LSS: variants seen among roughly 807,000 people sequenced by gnomAD.
LSS encodes the protein lanosterol synthase.
Under a neutral mutation model 110.3 loss-of-function variants are expected in LSS, and 90 were observed. The ratio of observed to expected loss-of-function variants is 0.82; its 90% CI spans 0.69 to 0.97. LSS has a LOEUF of 0.97. Ranked by LOEUF, LSS falls within the 50% of genes least tolerant of loss-of-function variation. The probability of loss-of-function intolerance (pLI) is 0.00; values close to 1 mark genes in which losing one functional copy is unlikely to be tolerated. For synonymous variants in LSS, 433 were observed against 400.0 expected (o/e 1.08, Z -0.98); for missense variants, 927 against 990.0 (o/e 0.94, Z 0.85).
At chr21:46,191,807 G>C in intron 21 of LSS, 74 bp downstream of exon 21, 1 of 1,268,176 alleles carries the variant, frequency 7.9e-7, no homozygotes, top group South Asian at 1.2e-5. Context: ...ACACAGAGCA[G>C]GGGGACGTGG....
intron 17 of LSS, among the ~76,000 whole-genome samples, chr21:46,200,273 G>C (rs575060928): frequency 1.3e-5 from 2 of 152,230 alleles, no homozygotes; most frequent in Non-Finnish European, 2.9e-5. Context: ...TGATAATTTT[G>C]TAAGCATTAT....
rs118184861 is a variant in LSS at position 46,189,664 on chromosome 21, A to G, written c.*1440T>C. ...GCAATGACAGGATCTGAGGGTGTCC[A>G]GACGCAGATCTCCACTGCCTGAGGG... On this transcript the variant is annotated 3_prime_UTR_variant, in exon 22 of 22. Coordinates refer to ENST00000397728, the MANE Select transcript of LSS (RefSeq NM_002340.6). 0.014 allele frequency: 6,202 copies of G among 456,188 alleles called. 79 individuals carry two copies. Among genetic ancestry groups the G allele is most frequent in the Non-Finnish European group, 0.019 (4,210 of 226,852 alleles). 28.3% of individuals were successfully genotyped at this position (456,188 alleles called of 1,614,324 possible).
At chr21:46,217,921 C>A (rs2080227580) in intron 6 of LSS, among the ~76,000 whole-genome samples, 1 of 152,214 alleles carries the variant, frequency 6.6e-6, no homozygotes, top group Admixed American at 6.5e-5. Flanking sequence ...GCACCCTAAC[C>A]CTGCCCCCTA....
At chr21:46,212,207 TA>T (rs1477993782) in intron 11 of LSS, among the ~76,000 whole-genome samples, 17 of 152,098 alleles carry the variant, frequency 1.1e-4, no homozygotes, top group African/African-American at 4.1e-4. Flanking sequence ...GCCAGCTGGG[TA>T]AAAGCTCGTG....
rs1443736896 is a variant in LSS, at chr21:46,208,272, C to G, written c.1296G>C (p.Lys432Asn). 4 of 1,552,562 alleles carry G rather than the reference C, an allele frequency of 2.6e-6. No homozygotes were observed. Among genetic ancestry groups the G allele is most frequent in the Admixed American group, 2.0e-5 (1 of 51,108 alleles). Residue 432 changes from lysine to asparagine, a missense_variant, in exon 14 of 22, where the codon AAG becomes AAC. Lys to Asn is a moderately conservative substitution (Grantham distance 94). Coordinates refer to ENST00000397728, the MANE Select transcript of LSS (RefSeq NM_002340.6). The stretch of plus-strand genomic sequence containing the variant: ...ATACCTTGCGCATCTGGCGGTAGTA[C>G]TTCTGGTAGTCGGGAGGGTTATCTG... ...QVPDNPPDYQKYYRQMRKGGF... is the reference protein window; with the variant it reads ...QVPDNPPDYQNYYRQMRKGGF...
At chr21:46,208,227 G>A (rs549737515) in intron 14 of LSS, 24 bp downstream of exon 14, 23 of 1,551,352 alleles carry the variant, frequency 1.5e-5, no homozygotes, top group Non-Finnish European at 1.9e-5. Flanking sequence ...GGACGGGACA[G>A]GGATGGGGCT....
At chr21:46,192,456 A>T in intron 20 of LSS, 1 of 453,184 alleles carries the variant, frequency 2.2e-6, no homozygotes, top group Non-Finnish European at 4.4e-6. Flanking sequence ...TTTTAGGAAG[A>T]TTCCCCAAAT....
At chr21:46,211,192 T>C (rs1241671647) in intron 11 of LSS, among the ~76,000 whole-genome samples, 1 of 152,146 alleles carries the variant, frequency 6.6e-6, no homozygotes, top group African/African-American at 2.4e-5. Flanking sequence ...AGTGGCGTGA[T>C]CTCAGCTCGC....
At chr21:46,204,655 A>G (rs925506001) in intron 17 of LSS, among the ~76,000 whole-genome samples, 6 of 152,204 alleles carry the variant, frequency 3.9e-5, no homozygotes, top group South Asian at 2.1e-4. Flanking sequence ...GAAAGAAAGA[A>G]ATTGAACTTC....
intron 1 of LSS, 38 bp from the exon 2 acceptor site, chr21:46,228,637 C>A (rs763682119): frequency 3.1e-6 from 5 of 1,593,252 alleles, no homozygotes; most frequent in Admixed American, 1.7e-5. Context: ...AGGCCCCGCC[C>A]CAACGCCGGC....
Position 46,188,608 on chromosome 21 carries a change from C to CG in LSS, c.*2495dup, listed in dbSNP as rs1215888774. 2 of 470,270 alleles carry CG rather than the reference C, an allele frequency of 4.3e-6. No homozygotes were observed. The highest frequency in any genetic ancestry group is 8.8e-6 in the Non-Finnish European group (2 of 226,916). The allele number at this position is 470,270 out of a possible 1,614,324, so 29.1% of individuals were successfully genotyped here. On this transcript the variant is annotated 3_prime_UTR_variant, in exon 22 of 22. Transcript: ENST00000397728. ...CACCCTCCCAGCACCGAGAAGCCGA[C>CG]GGGGGAGGAACAGACTCCTCTGCAT...
At chr21:46,218,453 G>A (rs1324320914) in intron 6 of LSS, among the ~76,000 whole-genome samples, 1 of 151,974 alleles carries the variant, frequency 6.6e-6, no homozygotes, top group African/African-American at 2.4e-5. Context: ...GTGAAACCCT[G>A]TCTCTACTAA....
intron 17 of LSS, among the ~76,000 whole-genome samples, chr21:46,200,663 AG>A (rs1261926269): frequency 6.6e-6 from 1 of 152,246 alleles, no homozygotes; most frequent in African/African-American, 2.4e-5. Flanking sequence ...GAATTATTCC[AG>A]GTTAAAAGGG....
rs1199525617 is a variant in LSS, at chr21:46,190,973, G to T, written c.*131C>A. 6 of 1,112,470 alleles carry T rather than the reference G, an allele frequency of 5.4e-6. No individual in the cohort carries two copies. In the East Asian group the frequency reaches 1.3e-4, roughly 23 times the overall value. The allele number at this position is 1,112,470 out of a possible 1,614,324, so 68.9% of individuals were successfully genotyped here. ...ATCCCTGCCTCCAGCCTGGCCCCCA[G>T]ATTCACATCTATGAGATAGAGGTTG... On this transcript the variant is annotated 3_prime_UTR_variant, in exon 22 of 22. Transcript: ENST00000397728. This position sits in a 1 kb window ranked among gnomAD's most constrained non-coding sequence, Gnocchi z 4.6.
chr21:46,192,756 G>A (rs1320021551), intron 20 of LSS: 1 of 453,588 alleles, frequency 2.2e-6, no homozygotes, highest in Non-Finnish European at 4.4e-6. Flanking sequence ...ATCTGCATGT[G>A]TGTACACAGG....
intron 10 of LSS, 146 bp downstream of exon 10, chr21:46,213,592 C>T: frequency 1.5e-6 from 1 of 672,568 alleles, no homozygotes; most frequent in Non-Finnish European, 2.7e-6. Context: ...CAGTGGCTTC[C>T]ACAAGCCCTG....
At chr21:46,219,369 G>T in intron 6 of LSS, 107 bp downstream of exon 6, 668 of 532,800 alleles carry the variant, frequency 1.3e-3, no homozygotes, top group Non-Finnish European at 1.4e-3. Context: ...CCCACAGAAT[G>T]CCCACCCCTC....
At chr21:46,215,559 G>GC (rs2056030221) in intron 8 of LSS, 126 bp downstream of exon 8, 3 of 684,954 alleles carry the variant, frequency 4.4e-6, no homozygotes, top group East Asian at 5.5e-5. Flanking sequence ...ATGAGATCCC[G>GC]CCCCCTGGGG....
chr21:46,200,266 T>C (rs2079962703), intron 17 of LSS, among the ~76,000 whole-genome samples: 1 of 152,148 alleles, frequency 6.6e-6, no homozygotes, highest in South Asian at 2.1e-4. Context: ...GAAGGAATGA[T>C]AATTTTGTAA....
Sources: gnomAD v4.1 joint callset for allele counts (sites outside exome capture counted in the v4.1 genomes callset) on GRCh38, gnomAD v4.1.1 for gene constraint, Gnocchi (gnomAD v3.1) non-coding constraint, MANE v1.5 for transcripts, NCBI Gene and HGNC (gene_info 2026-07-23, HGNC 2026-07-21) for gene names.